Variants in EXOC6B observed in about 807,000 individuals in gnomAD.
EXOC6B encodes SEC15 homolog B.
In EXOC6B, 54 loss-of-function variants were observed where a neutral mutation model predicts 113.5. The observed-to-expected ratio is 0.48, with a 90% CI of 0.38 to 0.60. The LOEUF (loss-of-function observed/expected upper bound fraction) is 0.60, where lower values mean the gene tolerates loss of function less well. Ranked by LOEUF, EXOC6B falls within the 20% of genes least tolerant of loss-of-function variation. The probability of loss-of-function intolerance (pLI) is 0.00; values close to 1 mark genes in which losing one functional copy is unlikely to be tolerated. For synonymous variants in EXOC6B, 357 were observed against 339.0 expected, an observed-to-expected ratio of 1.05 and a Z score of -0.58; for missense variants, 797 against 977.5, an observed-to-expected ratio of 0.82 and a Z score of 2.46.
chr2:72,822,358 GCTAGGCAACACCCT>G (rs1310451776), intron 1 of EXOC6B, among the ~76,000 whole-genome samples: 1 of 152,174 alleles, frequency 6.6e-6, no homozygotes, highest in Non-Finnish European at 1.5e-5. Context: ...AAAAGAGTTT[GCTAGGCAACACCCT>G]CTTTATGTGT....
chr2:72,351,040 C>T (rs550903172), intron 19 of EXOC6B, among the ~76,000 whole-genome samples: 1 of 152,198 alleles, frequency 6.6e-6, no homozygotes, highest in South Asian at 2.1e-4. Flanking sequence ...ACCTTGTTTC[C>T]ATCCATTGAC....
chr2:72,577,661 A>G (rs911118676), intron 6 of EXOC6B, among the ~76,000 whole-genome samples: 1 of 151,716 alleles, frequency 6.6e-6, no homozygotes, highest in Admixed American at 6.6e-5. Flanking sequence ...ACTGATATAA[A>G]TATATAAATA....
At chr2:72,388,043 G>GT (rs1397453036) in intron 18 of EXOC6B, among the ~76,000 whole-genome samples, 2 of 152,066 alleles carry the variant, frequency 1.3e-5, no homozygotes, top group Non-Finnish European at 2.9e-5. Context: ...GACATGTTTG[G>GT]TTGTCACAAC....
intron 1 of EXOC6B, among the ~76,000 whole-genome samples, chr2:72,796,225 G>T (rs1212358987): frequency 6.6e-6 from 1 of 151,258 alleles, no homozygotes; most frequent in Non-Finnish European, 1.5e-5. Flanking sequence ...GGCCGAGGCG[G>T]GTGGATCACC....
intron 8 of EXOC6B, among the ~76,000 whole-genome samples, chr2:72,540,192 T>C (rs1041707629): frequency 2.6e-5 from 4 of 151,980 alleles, no homozygotes; most frequent in Non-Finnish European, 5.9e-5. Context: ...ATCCAGTCTA[T>C]CATTGTTGGA....
intron 8 of EXOC6B, among the ~76,000 whole-genome samples, chr2:72,523,192 C>T (rs1701583027): frequency 6.6e-6 from 1 of 152,096 alleles, no homozygotes; most frequent in African/African-American, 2.4e-5. Context: ...CAAATGTACA[C>T]CAGTAATCAA....
At chr2:72,484,809 C>T (rs1032191578) in intron 16 of EXOC6B, among the ~76,000 whole-genome samples, 4 of 152,130 alleles carry the variant, frequency 2.6e-5, no homozygotes, top group African/African-American at 9.7e-5. Flanking sequence ...CATAGTATTC[C>T]ATGATGTATA....
intron 20 of EXOC6B, among the ~76,000 whole-genome samples, chr2:72,240,685 C>G (rs1022623249): frequency 2.0e-5 from 3 of 152,036 alleles, no homozygotes; most frequent in African/African-American, 7.2e-5. Context: ...CTTACCAGAC[C>G]TCTTAATAGG....
rs149459056 is a variant in EXOC6B at position 72,572,730 on chromosome 2, C to T, written c.846+2762G>A. Among the ~76,000 whole-genome samples, 578 of 152,214 alleles carry T rather than the reference C, an allele frequency of 3.8e-3. 11 individuals are homozygous for T. Among genetic ancestry groups the T allele is most frequent in the African/African-American group, 0.014 (564 of 41,526 alleles). ...ACCTTATCTGAAGAATTTATTCACA[C>T]CATGCAAGAACTATGCCAAGAAACC... On this transcript the variant is annotated intron_variant, in intron 7 of 21. Coordinates refer to ENST00000272427, the MANE Select transcript of EXOC6B (RefSeq NM_015189.3).
At chr2:72,700,801 A>C (rs1245628913) in intron 6 of EXOC6B, among the ~76,000 whole-genome samples, 1 of 152,206 alleles carries the variant, frequency 6.6e-6, no homozygotes, top group African/African-American at 2.4e-5. Context: ...ACATACAAAA[A>C]TTAGCCAGGC....
chr2:72,809,183 G>C (rs1246726395), intron 1 of EXOC6B, among the ~76,000 whole-genome samples: 1 of 151,970 alleles, frequency 6.6e-6, no homozygotes, highest in Non-Finnish European at 1.5e-5. Flanking sequence ...AACAAAAAAG[G>C]AAAGAATAAA....
chr2:72,458,112 C>T (rs1439801836), intron 18 of EXOC6B, among the ~76,000 whole-genome samples: 2 of 152,098 alleles, frequency 1.3e-5, no homozygotes, highest in Non-Finnish European at 2.9e-5. Flanking sequence ...TTCCAGTCCT[C>T]TCTATATACA....
intron 6 of EXOC6B, among the ~76,000 whole-genome samples, chr2:72,610,015 C>T (rs1330337226): frequency 3.3e-5 from 5 of 151,952 alleles, no homozygotes; most frequent in African/African-American, 1.2e-4. Flanking sequence ...TGAAGATAGC[C>T]TTTGAAAATA....
intron 6 of EXOC6B, among the ~76,000 whole-genome samples, chr2:72,682,987 C>T (rs1676821355): frequency 1.3e-5 from 2 of 152,188 alleles, no homozygotes; most frequent in South Asian, 4.1e-4. Context: ...CTAACTCCAA[C>T]TAATTTGCTA....
intron 6 of EXOC6B, among the ~76,000 whole-genome samples, chr2:72,647,828 T>C (rs958608812): frequency 1.2e-4 from 18 of 152,286 alleles, no homozygotes; most frequent in African/African-American, 3.6e-4. Flanking sequence ...ATAAAAATCC[T>C]AGAAGAAAAC....
chr2:72,617,811 G>A (rs979660586), intron 6 of EXOC6B, among the ~76,000 whole-genome samples: 26 of 152,040 alleles, frequency 1.7e-4, no homozygotes, highest in African/African-American at 4.3e-4. Flanking sequence ...CACCGCGCCC[G>A]GCCAAGACCC....
chr2:72,774,524 A>G (rs188326412), intron 1 of EXOC6B, among the ~76,000 whole-genome samples: 96 of 152,274 alleles, frequency 6.3e-4, no homozygotes, highest in African/African-American at 2.2e-3. Flanking sequence ...CTAAATATAC[A>G]CTTACCATAC....
intron 19 of EXOC6B, among the ~76,000 whole-genome samples, chr2:72,346,809 G>A (rs1689364772): frequency 1.3e-5 from 2 of 152,080 alleles, no homozygotes; most frequent in African/African-American, 4.8e-5. Context: ...AGGCTATATG[G>A]CATTGGATTT....
At chr2:72,454,425 A>G (rs1697092739) in intron 18 of EXOC6B, among the ~76,000 whole-genome samples, 1 of 152,092 alleles carries the variant, frequency 6.6e-6, no homozygotes, top group South Asian at 2.1e-4. Context: ...GGATTGCTTG[A>G]GCTTGAGAGG....
Sources: gnomAD v4.1 joint callset for allele counts (sites outside exome capture counted in the v4.1 genomes callset) on GRCh38, gnomAD v4.1.1 for gene constraint, MANE v1.5 for transcripts, NCBI Gene and HGNC (gene_info 2026-07-23, HGNC 2026-07-21) for gene names.